DDX10: variants seen among roughly 807,000 people sequenced by gnomAD.
DDX10 encodes DEAD-box helicase 10, also known as probable ATP-dependent RNA helicase DDX10.
In DDX10, 74 loss-of-function variants were observed where a neutral mutation model predicts 104.3. The ratio of observed to expected loss-of-function variants is 0.71; its 90% CI spans 0.59 to 0.86. The LOEUF is 0.86. Ranked by LOEUF, DDX10 falls within the 40% of genes least tolerant of loss-of-function variation. DDX10 has a pLI of 0.00. For missense variants in DDX10, 952 were observed against 1,040.0 expected (o/e 0.92, Z 1.16); for synonymous variants, 351 against 353.4 (o/e 0.99, Z 0.08).
intron 17 of DDX10, among the ~76,000 whole-genome samples, chr11:108,926,686 G>A (rs1202205534): frequency 6.6e-6 from 1 of 152,206 alleles, no homozygotes; most frequent in Non-Finnish European, 1.5e-5. Flanking sequence ...AGAAAGCTGA[G>A]CACATTTTAT....
chr11:108,807,447 T>C (rs2134564615), intron 13 of DDX10, among the ~76,000 whole-genome samples: 1 of 152,178 alleles, frequency 6.6e-6, no homozygotes, highest in East Asian at 1.9e-4. Context: ...CTTTTTGTAT[T>C]GGTTAAGAAG....
chr11:108,933,876 G>A (rs1056016085), intron 17 of DDX10, among the ~76,000 whole-genome samples: 5 of 152,218 alleles, frequency 3.3e-5, no homozygotes, highest in Non-Finnish European at 7.3e-5. Flanking sequence ...CAGTACAGAA[G>A]CTCAGCCCAG....
chr11:108,924,519 G>A (rs973419749), intron 17 of DDX10, among the ~76,000 whole-genome samples: 3 of 152,028 alleles, frequency 2.0e-5, no homozygotes, highest in African/African-American at 7.2e-5. Context: ...ACTAATCAAG[G>A]TTTTTGGTCT....
intron 12 of DDX10, among the ~76,000 whole-genome samples, chr11:108,721,733 TA>T (rs1333414184): frequency 6.6e-6 from 1 of 152,246 alleles, no homozygotes; most frequent in African/African-American, 2.4e-5. Flanking sequence ...GTATGTAAGA[TA>T]TATTAAAGGT....
intron 16 of DDX10, among the ~76,000 whole-genome samples, chr11:108,872,820 T>TCCCCCCCCCCCCCC (rs33959241): frequency 6.9e-6 from 1 of 145,116 alleles, no homozygotes; most frequent in Admixed American, 7.0e-5. Context: ...TAATTTCCGT[T>TCCCCCCCCCCCCCC]CCCCCCCCCT....
intron 16 of DDX10, among the ~76,000 whole-genome samples, chr11:108,889,461 T>C (rs1311717608): frequency 6.6e-6 from 1 of 152,176 alleles, no homozygotes; most frequent in Non-Finnish European, 1.5e-5. Context: ...TTAAAACTAA[T>C]TGAAAAGGTA....
At chr11:108,911,556 C>CTTTTTTTT (rs869132450) in intron 16 of DDX10, among the ~76,000 whole-genome samples, 2 of 63,690 alleles carry the variant, frequency 3.1e-5, no homozygotes, top group African/African-American at 1.3e-4. Flanking sequence ...GCCTCCTCTT[C>CTTTTTTTT]TTTTTTTTTT....
At chr11:108,719,105 T>G (rs1165491071) in intron 11 of DDX10, among the ~76,000 whole-genome samples, 3 of 18,790 alleles carry the variant, frequency 1.6e-4, no homozygotes, top group African/African-American at 2.1e-4. Flanking sequence ...ATGAAGATAG[T>G]TTTTTTTTTT....
intron 13 of DDX10, among the ~76,000 whole-genome samples, chr11:108,736,766 G>T (rs937737885): frequency 4.6e-5 from 7 of 152,126 alleles, no homozygotes; most frequent in African/African-American, 1.4e-4. Flanking sequence ...AAATGCTGGT[G>T]CCCTGGTCTT....
intron 9 of DDX10, among the ~76,000 whole-genome samples, chr11:108,694,231 A>G (rs2094256661): frequency 6.6e-6 from 1 of 152,170 alleles, no homozygotes; most frequent in Non-Finnish European, 1.5e-5. Context: ...AACCACAGAA[A>G]GCGAAACCAC....
intron 17 of DDX10, chr11:108,918,292 CTTT>C: frequency 2.1e-5 from 7 of 328,212 alleles, no homozygotes; most frequent in Non-Finnish European, 2.7e-5. Context: ...TTTCTCTATT[CTTT>C]TTTTTTTTTT....
At chr11:108,734,178 T>A (rs1158127925) in intron 13 of DDX10, among the ~76,000 whole-genome samples, 1 of 152,188 alleles carries the variant, frequency 6.6e-6, no homozygotes, top group Non-Finnish European at 1.5e-5. Context: ...TGGTGATTTG[T>A]GTTCAGGGGC....
At chr11:108,830,619 T>C (rs977537885) in intron 13 of DDX10, among the ~76,000 whole-genome samples, 6 of 152,220 alleles carry the variant, frequency 3.9e-5, no homozygotes, top group Non-Finnish European at 7.3e-5. Context: ...ATCCTTGTCT[T>C]GTTCCAGTTC....
intron 16 of DDX10, among the ~76,000 whole-genome samples, chr11:108,869,555 C>T (rs2726915): frequency 0.75 from 114,348 of 151,924 alleles, 43,384 homozygotes; most frequent in Admixed American, 0.8. Flanking sequence ...GAATTTCTTA[C>T]CCTTCTAAAA....
intron 16 of DDX10, among the ~76,000 whole-genome samples, chr11:108,854,495 C>G (rs1448869982): frequency 6.6e-6 from 1 of 152,164 alleles, no homozygotes; most frequent in Non-Finnish European, 1.5e-5. Flanking sequence ...CCTTTGATCC[C>G]TGAACCTACA....
intron 14 of DDX10, among the ~76,000 whole-genome samples, chr11:108,839,955 A>G (rs899219176): frequency 6.6e-6 from 1 of 152,206 alleles, no homozygotes; most frequent in Non-Finnish European, 1.5e-5. Context: ...TAAATCCTCA[A>G]CTATAAAATG....
Position 108,723,336 on chromosome 11 carries a change from A to G in DDX10, c.1839A>G (p.Ala613=). 1 of 1,614,018 alleles carries G rather than the reference A, an allele frequency of 6.2e-7. No homozygotes were observed. Among genetic ancestry groups the G allele is most frequent in the Non-Finnish European group, 8.5e-7 (1 of 1,179,932 alleles). ...CATCTCTTCCTAACACCAGTGAGGC[A>G]CAGAAGATCAAGGAAGTTCCTACAC... ...QAPSLPNTSE[A]QKIKEVPTQF... is the part of the protein sequence containing the mutation. Residue 613 remains alanine, a synonymous_variant, in exon 13 of 18, where the codon GCA becomes GCG. Transcript: ENST00000322536.
chr11:108,887,437 C>T (rs1863312981), intron 16 of DDX10, among the ~76,000 whole-genome samples: 1 of 149,816 alleles, frequency 6.7e-6, no homozygotes, highest in East Asian at 2.0e-4. Flanking sequence ...TTTATTTTTG[C>T]TTTGTTCTAG....
chr11:108,813,724 T>G (rs562444092), intron 13 of DDX10, among the ~76,000 whole-genome samples: 13 of 152,206 alleles, frequency 8.5e-5, no homozygotes, highest in Non-Finnish European at 1.9e-4. Context: ...TCTAAGCTTT[T>G]GATTCATTTG....
Sources: allele counts gnomAD v4.1 joint callset (sites outside exome capture counted in the v4.1 genomes callset), GRCh38; gene constraint gnomAD v4.1.1; transcripts MANE v1.5; gene names NCBI Gene and HGNC (gene_info 2026-07-23, HGNC 2026-07-21).